Variants in GSE1 observed in about 807,000 individuals in gnomAD.
GSE1 encodes the protein Gse1 coiled-coil protein, also known as genetic suppressor element 1.
A neutral mutation model predicts 112.6 loss-of-function variants in GSE1; 32 were observed. The ratio of observed to expected loss-of-function variants is 0.28; its 90% CI spans 0.21 to 0.38. The LOEUF (loss-of-function observed/expected upper bound fraction) is 0.38, where lower values mean the gene tolerates loss of function less well. Among genes scored for constraint, GSE1 ranks in the 10% least tolerant of loss-of-function variants. The probability of loss-of-function intolerance (pLI) is 1.00; values close to 1 mark genes in which losing one functional copy is unlikely to be tolerated. For synonymous variants in GSE1, 1,115 were observed against 735.6 expected, an observed-to-expected ratio of 1.52 and a Z score of -8.35; for missense variants, 2,348 against 1,699.2, an observed-to-expected ratio of 1.38 and a Z score of -6.71.
chr16:85,510,733 C>T (rs951106913), intron 2 of GSE1, among the ~76,000 whole-genome samples: 3 of 152,172 alleles, frequency 2.0e-5, no homozygotes, highest in African/African-American at 7.2e-5. Context: ...CCTGGAACCC[C>T]AGAGCCCCCC....
At chr16:85,561,246 C>T (rs1250439757) in intron 1 of GSE1, among the ~76,000 whole-genome samples, 15 of 152,024 alleles carry the variant, frequency 9.9e-5, no homozygotes, top group Admixed American at 7.2e-4. Context: ...GCTACTCTTA[C>T]CCCCCTTGAC....
At chr16:85,495,580 T>C (rs2051148993) in intron 2 of GSE1, among the ~76,000 whole-genome samples, 1 of 151,998 alleles carries the variant, frequency 6.6e-6, no homozygotes, top group Non-Finnish European at 1.5e-5. Flanking sequence ...CCCTGCAGCC[T>C]CTACCTCCAG....
At chr16:85,498,762 G>T (rs370343688) in intron 2 of GSE1, among the ~76,000 whole-genome samples, 25 of 152,236 alleles carry the variant, frequency 1.6e-4, no homozygotes, top group African/African-American at 5.8e-4. Context: ...TCTTCGGCTT[G>T]GGCAGTGGTG....
chr16:85,352,264 G>T (rs2046866009), intron 1 of GSE1, among the ~76,000 whole-genome samples: 1 of 152,176 alleles, frequency 6.6e-6, no homozygotes, highest in Non-Finnish European at 1.5e-5. Flanking sequence ...CTATTCAGCG[G>T]TGGGCTGTGA....
intron 1 of GSE1, among the ~76,000 whole-genome samples, chr16:85,587,255 G>C (rs896500328): frequency 6.6e-6 from 1 of 152,070 alleles, no homozygotes; most frequent in African/African-American, 2.4e-5. Context: ...GAGAAATAAA[G>C]GGGGAAACGG....
At chr16:85,608,614 G>A (rs533265086), upstream of GSE1, among the ~76,000 whole-genome samples, 62 of 152,318 alleles carry the variant, frequency 4.1e-4, no homozygotes, top group African/African-American at 1.0e-3. Flanking sequence ...TAAGAGCCAC[G>A]TCTGGATGAG....
rs192090452 is a variant in GSE1, at chr16:85,380,121, A to G, written c.2464+22478A>G. Among the ~76,000 whole-genome samples the G allele has an allele frequency of 7.9e-5, 12 of 152,324 alleles. No individual in the cohort carries two copies. In the East Asian group the frequency reaches 2.3e-3, roughly 29 times the overall value. ...TCTAATTTGAACTTGGACATTCACC[A>G]TAGCTGTGAACAGCTGTGATCCTTT... On this transcript the variant is annotated intron_variant, in intron 2 of 2. Transcript: ENST00000637419.
intron 1 of GSE1, among the ~76,000 whole-genome samples, chr16:85,224,541 C>G (rs2075449681): frequency 6.6e-6 from 1 of 152,122 alleles, no homozygotes; most frequent in Non-Finnish European, 1.5e-5. Flanking sequence ...CAGACTCATT[C>G]ATTCATTCAT....
At position 85,384,284 on chromosome 16, in the gene GSE1, G is replaced by A. The variant is rs542673802; in HGVS notation, c.2464+26641G>A. On this transcript the variant is annotated intron_variant, in intron 2 of 2. Transcript: ENST00000637419. The stretch of plus-strand genomic sequence containing the variant: ...TGCCTTGCTCTGTGTGGGTGCGGCC[G>A]GGTGGCGAGCGGCCCATCCTGGGAG... Among the ~76,000 whole-genome samples, 13 of 152,262 alleles carry A rather than the reference G, an allele frequency of 8.5e-5. No homozygotes were observed. In the East Asian group the frequency reaches 2.1e-3, roughly 25 times the overall value.
At chr16:85,331,543 G>A (rs149575204) in intron 1 of GSE1, among the ~76,000 whole-genome samples, 59,712 of 124,718 alleles carry the variant, frequency 0.48, 15,851 homozygotes, top group East Asian at 0.69. Context: ...ATGTGTATAT[G>A]TGTGTATATA....
intron 1 of GSE1, among the ~76,000 whole-genome samples, chr16:85,222,216 C>G (rs2075406506): frequency 6.6e-6 from 1 of 152,218 alleles, no homozygotes; most frequent in African/African-American, 2.4e-5. Flanking sequence ...GCCTCTCCCT[C>G]CAGTGAACTC....
chr16:85,576,931 C>T (rs554315978), intron 1 of GSE1, among the ~76,000 whole-genome samples: 4 of 152,290 alleles, frequency 2.6e-5, no homozygotes, highest in African/African-American at 9.6e-5. Context: ...TTTACAAGAG[C>T]AGGCAGGCCC....
At chr16:85,553,512 T>A (rs2045040251), upstream of GSE1, among the ~76,000 whole-genome samples, 1 of 150,934 alleles carries the variant, frequency 6.6e-6, no homozygotes, top group Admixed American at 6.6e-5. Context: ...TGCGCCCGCG[T>A]GCGCTAGGCC....
intron 2 of GSE1, among the ~76,000 whole-genome samples, chr16:85,461,006 G>T (rs577611848): frequency 6.6e-6 from 1 of 152,204 alleles, no homozygotes; most frequent in Non-Finnish European, 1.5e-5. Context: ...GCAGCCAGCC[G>T]GGTGGGAAGG....
chr16:85,291,995 T>G (rs1463390736), intron 1 of GSE1, among the ~76,000 whole-genome samples: 3 of 152,036 alleles, frequency 2.0e-5, no homozygotes, highest in Admixed American at 2.0e-4. Flanking sequence ...GGCAGAGAGG[T>G]GATCAGGAAA....
At position 85,634,240 on chromosome 16, in the gene GSE1, C is replaced by T. The variant is rs538956724; in HGVS notation, c.226+108C>T. On this transcript the variant is annotated intron_variant, in intron 2 of 15. Transcript: ENST00000253458. ...CTCACAGCAGGTCTCGTCTTTCCCA[C>T]GCCGTGTGCTCTGCATGGAGCAGGC... is the stretch of plus-strand genomic sequence containing the variant. 105 of 763,666 alleles carry T rather than the reference C, an allele frequency of 1.4e-4. 2 individuals carry two copies. The highest frequency in any genetic ancestry group is 9.8e-4 in the South Asian group (47 of 47,888). The allele number at this position is 763,666 out of a possible 1,614,324, so 47.3% of individuals were successfully genotyped here.
chr16:85,286,972 C>T (rs997346864), intron 1 of GSE1, among the ~76,000 whole-genome samples: 7 of 152,192 alleles, frequency 4.6e-5, no homozygotes, highest in African/African-American at 1.2e-4. Context: ...TGGAAAGCGT[C>T]GGGGGCCGCG....
intron 1 of GSE1, among the ~76,000 whole-genome samples, chr16:85,241,097 C>A (rs972270199): frequency 3.3e-5 from 5 of 152,180 alleles, no homozygotes; most frequent in African/African-American, 9.7e-5. Context: ...AACGAGCCTC[C>A]TTCTTCCTCT....
chr16:85,320,965 A>G (rs549466474), intron 1 of GSE1, among the ~76,000 whole-genome samples: 1 of 152,070 alleles, frequency 6.6e-6, no homozygotes, highest in African/African-American at 2.4e-5. Flanking sequence ...CCTAGAAATC[A>G]CACTCCCGTC....
Sources: allele counts gnomAD v4.1 joint callset (sites outside exome capture counted in the v4.1 genomes callset), GRCh38; gene constraint gnomAD v4.1.1; transcripts MANE v1.5; gene names NCBI Gene and HGNC (gene_info 2026-07-23, HGNC 2026-07-21).